CYRIB: variants seen among roughly 807,000 people sequenced by gnomAD.
The protein encoded by CYRIB is CYFIP related Rac1 interactor B.
In CYRIB, 8 loss-of-function variants were observed where a neutral mutation model predicts 44.2. The observed-to-expected ratio is 0.18, with a 90% CI of 0.11 to 0.33. The LOEUF is 0.33. Among genes scored for constraint, CYRIB ranks in the 10% least tolerant of loss-of-function variants. CYRIB has a pLI of 1.00. For missense variants in CYRIB, 185 were observed against 382.8 expected, an observed-to-expected ratio of 0.48 and a Z score of 4.31; for synonymous variants, 131 against 127.2, an observed-to-expected ratio of 1.03 and a Z score of -0.20.
In CYRIB at chr8:129,880,873, T is replaced by C. The variant is rs571897576; in HGVS notation, c.-10-1402A>G. On this transcript the variant is annotated intron_variant, in intron 2 of 11. Coordinates refer to ENST00000519824, the Ensembl canonical transcript of CYRIB. The stretch of plus-strand genomic sequence containing the variant: ...TTCCTTCTTGCAGAGTCAAATCCTA[T>C]TGGGAACACAAAGAAGAAAGTATTC... Among the ~76,000 whole-genome samples, 59 of 152,276 alleles carry C rather than the reference T, an allele frequency of 3.9e-4. 1 individual carries two copies. In the South Asian group the frequency reaches 0.012, roughly 32 times the overall value.
chr8:129,996,772 G>A (rs1463714874), intron 1 of CYRIB, among the ~76,000 whole-genome samples: 1 of 151,868 alleles, frequency 6.6e-6, no homozygotes, highest in Admixed American at 6.6e-5. Context: ...CCAACTTACT[G>A]TTTGGGATCT....
intron 2 of CYRIB, among the ~76,000 whole-genome samples, chr8:129,968,755 T>C (rs531937088): frequency 6.6e-6 from 1 of 152,358 alleles, no homozygotes; most frequent in African/African-American, 2.4e-5. Flanking sequence ...GTTTAAGTTC[T>C]TGCTGGTAAC....
intron 1 of CYRIB, among the ~76,000 whole-genome samples, chr8:129,977,395 A>G (rs1380434580): frequency 6.6e-6 from 1 of 152,164 alleles, no homozygotes; most frequent in Admixed American, 6.5e-5. Context: ...TTTTAAATAA[A>G]CTGGACTCGA....
At chr8:129,965,891 A>G (rs1387398495) in intron 2 of CYRIB, among the ~76,000 whole-genome samples, 1 of 151,864 alleles carries the variant, frequency 6.6e-6, no homozygotes. Context: ...TGCTCTTGTC[A>G]CCGAGGCTGG....
intron 1 of CYRIB, among the ~76,000 whole-genome samples, chr8:130,004,246 G>C (rs2096978511): frequency 6.6e-6 from 1 of 152,054 alleles, no homozygotes; most frequent in Non-Finnish European, 1.5e-5. Context: ...ACATACAATG[G>C]GATTCCTCTG....
chr8:130,010,805 GGA>G lies in CYRIB; in HGVS notation c.-296+5563_-296+5564del, dbSNP rs2097197257. Among the ~76,000 whole-genome samples the G allele has an allele frequency of 2.0e-5, 3 of 152,128 alleles. 1 individual carries two copies. In the South Asian group the frequency reaches 6.2e-4, roughly 32 times the overall value. ...AGCCTGGCTCCTGAATGAATGAAGGGGAGAGGGTCAGGTTGGATGATCTCCTG... is the reference window on the plus strand; with the variant it reads ...AGCCTGGCTCCTGAATGAATGAAGGGGAGGGTCAGGTTGGATGATCTCCTG... On this transcript the variant is annotated intron_variant, in intron 1 of 14. Coordinates refer to the CYRIB transcript ENST00000401979.
chr8:129,985,569 AT>A (rs2096426313), intron 1 of CYRIB, among the ~76,000 whole-genome samples: 1 of 151,970 alleles, frequency 6.6e-6, no homozygotes, highest in South Asian at 2.1e-4. Context: ...ACCTTTTTCT[AT>A]TCCCCATTCC....
At chr8:129,908,113 A>C (rs1388215529) in intron 1 of CYRIB, among the ~76,000 whole-genome samples, 2 of 152,222 alleles carry the variant, frequency 1.3e-5, no homozygotes, top group Non-Finnish European at 2.9e-5. Flanking sequence ...TCAAAACTAA[A>C]TCTCAGAAAA....
chr8:129,955,252 C>CAA (rs34829432), intron 2 of CYRIB, among the ~76,000 whole-genome samples: 61 of 102,824 alleles, frequency 5.9e-4, no homozygotes, highest in South Asian at 4.6e-3. Context: ...AACTCCGTCT[C>CAA]AAAAAAAAAA....
At chr8:129,867,694 C>T (rs555653219) in intron 4 of CYRIB, among the ~76,000 whole-genome samples, 1 of 152,168 alleles carries the variant, frequency 6.6e-6, no homozygotes, top group East Asian at 1.9e-4. Flanking sequence ...AGACACGGTG[C>T]TATGCTGTTT....
chr8:129,954,017 G>A (rs556460573), intron 2 of CYRIB, among the ~76,000 whole-genome samples: 10 of 152,206 alleles, frequency 6.6e-5, no homozygotes, highest in African/African-American at 2.2e-4. Context: ...AAGTGTAACT[G>A]GTTTAGCAAG....
Position 129,955,177 on chromosome 8 carries a change from CA to C in CYRIB, c.-243+15765del, listed in dbSNP as rs1157843295. 6.0e-5 allele frequency among the ~76,000 whole-genome samples: 9 copies of C among 150,416 alleles called. No homozygotes were observed. The East Asian group carries it at 1.8e-3, about 30-fold the overall frequency. ...CTGAGGCAGGAGAATCACTTGAACC[CA>C]GGAGGCGGAGGTTGCAGTGAGCCAA... On this transcript the variant is annotated intron_variant, in intron 2 of 14. Coordinates refer to the CYRIB transcript ENST00000401979.
At chr8:130,000,773 T>C (rs75869995) in intron 1 of CYRIB, among the ~76,000 whole-genome samples, 7,989 of 152,122 alleles carry the variant, frequency 0.053, 290 homozygotes, top group Non-Finnish European at 0.077. Flanking sequence ...TCCCAGCCCT[T>C]TGGGAGGCCA....
In CYRIB at chr8:129,868,891, T is replaced by TA. The variant is rs34829895; in HGVS notation, c.195+2483dup. 1.2e-3 allele frequency among the ~76,000 whole-genome samples: 145 copies of TA among 119,980 alleles called. 2 individuals carry two copies. Among genetic ancestry groups the TA allele is most frequent in the South Asian group, 3.5e-3 (13 of 3,714 alleles). 78.7% of individuals were successfully genotyped at this position (119,980 alleles called of 152,430 possible). On this transcript the variant is annotated intron_variant, in intron 4 of 11. Coordinates refer to ENST00000519824, the Ensembl canonical transcript of CYRIB. ...TTCTCCCAATGGGAAGTACTGCAAT[T>TA]AAAAAAAAAAAAAAAAAAAACCCGG...
chr8:129,968,353 T>G (rs926688493), intron 2 of CYRIB, among the ~76,000 whole-genome samples: 4 of 152,274 alleles, frequency 2.6e-5, no homozygotes, highest in African/African-American at 9.6e-5. Context: ...GTCAACCTAT[T>G]CTTTTTCCAT....
At chr8:129,945,428 G>C (rs2094066911) in intron 2 of CYRIB, among the ~76,000 whole-genome samples, 1 of 152,168 alleles carries the variant, frequency 6.6e-6, no homozygotes, top group African/African-American at 2.4e-5. Flanking sequence ...CCACAAGTTT[G>C]TTAACTCAGA....
intron 1 of CYRIB, among the ~76,000 whole-genome samples, chr8:129,923,275 T>C (rs578095795): frequency 6.6e-6 from 1 of 151,682 alleles, no homozygotes; most frequent in East Asian, 2.0e-4. Flanking sequence ...TCTACATTTA[T>C]GTATGTATGT....
chr8:129,865,986 T>C (rs771845676), intron 4 of CYRIB, among the ~76,000 whole-genome samples: 3 of 152,222 alleles, frequency 2.0e-5, no homozygotes, highest in Non-Finnish European at 4.4e-5. Context: ...TTCAGAAGCA[T>C]GTACATCATT....
intron 2 of CYRIB, among the ~76,000 whole-genome samples, chr8:129,959,594 G>C (rs767908787): frequency 1.1e-4 from 16 of 152,034 alleles, no homozygotes; most frequent in Non-Finnish European, 2.1e-4. Flanking sequence ...GGGCAACTTA[G>C]CAAGACCCCA....
Sources: allele counts gnomAD v4.1 joint callset (sites outside exome capture counted in the v4.1 genomes callset), GRCh38; gene constraint gnomAD v4.1.1; transcripts MANE v1.5; gene names NCBI Gene and HGNC (gene_info 2026-07-23, HGNC 2026-07-21).